PCDH15: variants seen among roughly 807,000 people sequenced by gnomAD.
PCDH15 encodes protocadherin related 15.
PCDH15 carries 129 observed loss-of-function variants against 178.5 expected under a neutral mutation model. The observed-to-expected ratio is 0.72, with a 90% CI of 0.63 to 0.84. PCDH15 has a LOEUF of 0.84. PCDH15 is among the 40% of genes least tolerant of loss of function. The pLI is 0.00. For missense variants in PCDH15, 2,230 were observed against 2,099.9 expected (o/e 1.06, Z -1.21); for synonymous variants, 800 against 732.0 (o/e 1.09, Z -1.50).
chr10:55,497,590 T>C (rs1159364472), intron 2 of PCDH15, among the ~76,000 whole-genome samples: 2 of 151,858 alleles, frequency 1.3e-5, no homozygotes, highest in African/African-American at 4.8e-5. Context: ...AACATTTTTA[T>C]ATTGAAAATA....
intron 18 of PCDH15, among the ~76,000 whole-genome samples, chr10:54,056,833 G>A (rs1022140648): frequency 5.3e-5 from 8 of 152,116 alleles, no homozygotes; most frequent in African/African-American, 1.9e-4. Flanking sequence ...AAAATCAAAA[G>A]TGAGTTAGTT....
chr10:54,354,520 TCTTA>T lies in PCDH15; in HGVS notation c.475-8040_475-8037del, dbSNP rs199865914. On this transcript the variant is annotated intron_variant, in intron 5 of 37. Coordinates refer to ENST00000644397, the MANE Select transcript of PCDH15 (RefSeq NM_001384140.1). Reference sequence around the variant, plus strand: ...ACAAGTAAGAGGAACTAGAGATTAGTCTTACTTCTTTCTTTAACTTTAGATTAAG... The same window carrying T: ...ACAAGTAAGAGGAACTAGAGATTAGTCTTCTTTCTTTAACTTTAGATTAAG... Among the ~76,000 whole-genome samples, 1,267 of 152,288 alleles carry T rather than the reference TCTTA, an allele frequency of 8.3e-3. 18 individuals are homozygous for T. Among genetic ancestry groups the T allele is most frequent in the African/African-American group, 0.024 (1,006 of 41,562 alleles).
chr10:54,714,732 T>C (rs2095459861), intron 1 of PCDH15, among the ~76,000 whole-genome samples: 3 of 152,252 alleles, frequency 2.0e-5, no homozygotes, highest in African/African-American at 7.2e-5. Context: ...TTCAAGACCA[T>C]CCATTTGATA....
chr10:54,430,049 CTT>C (rs34182878), intron 3 of PCDH15, among the ~76,000 whole-genome samples: 20,963 of 119,496 alleles, frequency 0.18, 1,930 homozygotes, highest in Middle Eastern at 0.26. Context: ...CCTTCTTCTC[CTT>C]TTTTTTTTTT....
intron 2 of PCDH15, among the ~76,000 whole-genome samples, chr10:55,076,792 T>C (rs1447357011): frequency 5.3e-5 from 7 of 131,226 alleles, no homozygotes; most frequent in African/African-American, 2.1e-4. Flanking sequence ...TTTTTTGAGA[T>C]GGAGTCTTGC....
At chr10:55,581,452 G>T (rs925914897) in intron 2 of PCDH15, among the ~76,000 whole-genome samples, 2 of 150,410 alleles carry the variant, frequency 1.3e-5, no homozygotes, top group African/African-American at 4.9e-5. Flanking sequence ...CATTTCAACT[G>T]CTGACTACCT....
chr10:53,962,473 G>C (rs1482943184), intron 21 of PCDH15, among the ~76,000 whole-genome samples: 1 of 152,114 alleles, frequency 6.6e-6, no homozygotes, highest in Non-Finnish European at 1.5e-5. Flanking sequence ...ACCATGCTAG[G>C]TATTTCTATA....
chr10:55,242,070 A>G (rs1841557351), intron 1 of PCDH15, among the ~76,000 whole-genome samples: 1 of 152,214 alleles, frequency 6.6e-6, no homozygotes, highest in Non-Finnish European at 1.5e-5. Flanking sequence ...ATGGAAGTAT[A>G]TAATAAAACA....
intron 5 of PCDH15, among the ~76,000 whole-genome samples, chr10:54,366,010 A>G (rs970499094): frequency 1.8e-4 from 28 of 152,110 alleles, no homozygotes; most frequent in African/African-American, 6.5e-4. Context: ...TTTGTAAAAT[A>G]AGGTACATGA....
chr10:54,169,604 G>T (rs1208029435), intron 13 of PCDH15, among the ~76,000 whole-genome samples: 2 of 148,998 alleles, frequency 1.3e-5, no homozygotes, highest in African/African-American at 5.0e-5. Context: ...CCAATCCAAA[G>T]CCTCCTTTGC....
In PCDH15 at chr10:55,298,873, C is replaced by T. The variant is rs563356405; in HGVS notation, c.-156+20726G>A. ...GATTACAGGCATGAGCCACCGTGCC[C>T]GGCGATAGTGTCGACTTTTATTTGA... On this transcript the variant is annotated intron_variant, in intron 1 of 5. Transcript: ENST00000458638. Among the ~76,000 whole-genome samples the T allele has an allele frequency of 1.6e-4, 24 of 152,150 alleles. 1 individual carries two copies. The highest frequency in any genetic ancestry group is 5.3e-4 in the African/African-American group (22 of 41,526).
intron 26 of PCDH15, among the ~76,000 whole-genome samples, chr10:53,886,307 C>T (rs1416518639): frequency 6.6e-6 from 1 of 152,168 alleles, no homozygotes; most frequent in Non-Finnish European, 1.5e-5. Context: ...CCTGTCCACT[C>T]CTGGTTACAC....
intron 21 of PCDH15, among the ~76,000 whole-genome samples, chr10:53,984,433 AG>A (rs1379991817): frequency 6.6e-6 from 1 of 152,084 alleles, no homozygotes; most frequent in Non-Finnish European, 1.5e-5. Context: ...TACAGGCGTG[AG>A]CCACCGTGCC....
At chr10:54,779,653 C>T (rs1474237529) in intron 1 of PCDH15, among the ~76,000 whole-genome samples, 3 of 151,096 alleles carry the variant, frequency 2.0e-5, no homozygotes, top group Admixed American at 6.6e-5. Flanking sequence ...AAAATGTGAA[C>T]ACAGCAGAGA....
chr10:55,247,006 A>G (rs1457898981), intron 1 of PCDH15, among the ~76,000 whole-genome samples: 1 of 152,150 alleles, frequency 6.6e-6, no homozygotes, highest in Non-Finnish European at 1.5e-5. Flanking sequence ...AACATACATG[A>G]GTAAAAGTTT....
chr10:55,129,077 A>G (rs1837976798), intron 2 of PCDH15, among the ~76,000 whole-genome samples: 1 of 152,156 alleles, frequency 6.6e-6, no homozygotes, highest in Non-Finnish European at 1.5e-5. Flanking sequence ...GTTCCTTTAT[A>G]GGATAGGATC....
rs142129333 is a variant in PCDH15 at position 55,270,766 on chromosome 10, C to T, written c.-156+48833G>A. On this transcript the variant is annotated intron_variant, in intron 1 of 5. Transcript: ENST00000458638. ...TCAAAGAGCTTAGAACCCCATTCTA[C>T]TCTACAATCCCACTACTGAGTATGT... Among the ~76,000 whole-genome samples the T allele has an allele frequency of 6.6e-5, 10 of 152,232 alleles. No individual in the cohort carries two copies. In the East Asian group the frequency reaches 1.9e-3, roughly 29 times the overall value.
Position 55,520,057 on chromosome 10 carries a change from T to C in PCDH15, c.-156+107568A>G, listed in dbSNP as rs192794276. On this transcript the variant is annotated intron_variant, in intron 2 of 5. Coordinates refer to the PCDH15 transcript ENST00000613346. ...TGCCATATATATACATATATATATA[T>C]ACATATATATGGCATATATATATAA... 4.2e-3 allele frequency among the ~76,000 whole-genome samples: 607 copies of C among 145,752 alleles called. 7 individuals are homozygous for C. The highest frequency in any genetic ancestry group is 0.013 in the African/African-American group (539 of 40,100).
At chr10:55,252,541 G>GT (rs965622492) in intron 1 of PCDH15, among the ~76,000 whole-genome samples, 4 of 151,868 alleles carry the variant, frequency 2.6e-5, no homozygotes, top group Non-Finnish European at 4.4e-5. Flanking sequence ...GAAATCCAAA[G>GT]TTTTTTTCCT....
Sources: allele counts gnomAD v4.1 joint callset (sites outside exome capture counted in the v4.1 genomes callset), GRCh38; gene constraint gnomAD v4.1.1; transcripts MANE v1.5; gene names NCBI Gene and HGNC (gene_info 2026-07-23, HGNC 2026-07-21).